DOT1L: variants seen among roughly 807,000 people sequenced by gnomAD.
The protein encoded by DOT1L is DOT1 like histone lysine methyltransferase.
Under a neutral mutation model 153.3 loss-of-function variants are expected in DOT1L, and 33 were observed. That is an observed-to-expected ratio of 0.22 (90% CI 0.16 to 0.29). The LOEUF is 0.29. Ranked by LOEUF, DOT1L falls within the 10% of genes least tolerant of loss-of-function variation. DOT1L has a pLI of 1.00. For missense variants in DOT1L, 1,847 were observed against 2,119.9 expected (o/e 0.87, Z 2.53); for synonymous variants, 1,135 against 965.1 (o/e 1.18, Z -3.26).
chr19:2,206,608 C>A, intron 9 of DOT1L, 121 bp from the exon 10 acceptor site: 1 of 878,744 alleles, frequency 1.1e-6, no homozygotes, highest in Non-Finnish European at 1.9e-6. Flanking sequence ...GGCAGGTGGA[C>A]AGGACCCGGA....
At chr19:2,215,965 T>TGG in intron 19 of DOT1L, 1 of 293,088 alleles carries the variant, frequency 3.4e-6, no homozygotes, top group Non-Finnish European at 6.3e-6. Context: ...CCTCCACAGG[T>TGG]TTTACACTTA....
Position 2,229,962 on chromosome 19 carries a change from C to A in DOT1L, c.*170C>A. On this transcript the variant is annotated 3_prime_UTR_variant, in exon 28 of 28. Transcript: ENST00000398665. ...CGCGCCGCAGGAGGCTGGGACTGGT[C>A]CAGTTTGTACTGTCGATAGTTTTAG... 4.0e-6 allele frequency: 4 copies of A among 994,844 alleles called. No homozygotes were observed. The South Asian group carries it at 4.3e-5, about 11-fold the overall frequency. The allele number at this position is 994,844 out of a possible 1,614,324, so 61.6% of individuals were successfully genotyped here.
chr19:2,227,687 G>A (rs894456213), intron 27 of DOT1L: 2 of 1,294,022 alleles, frequency 1.5e-6, no homozygotes, highest in Non-Finnish European at 2.0e-6. Context: ...CTCTGCGCTT[G>A]CCTGGATGCT....
In DOT1L at chr19:2,201,133, C is replaced by G. The variant is rs1281460531; in HGVS notation, c.707+1194C>G. 7.4e-4 allele frequency among the ~76,000 whole-genome samples: 94 copies of G among 126,200 alleles called. 2 individuals are homozygous for G. The highest frequency in any genetic ancestry group is 2.9e-3 in the African/African-American group (89 of 30,184). 82.8% of individuals were successfully genotyped at this position (126,200 alleles called of 152,430 possible). On this transcript the variant is annotated intron_variant, in intron 8 of 27. Transcript: ENST00000398665. ...CCTCGTCCTCCCCGCATTCCTCGTC[C>G]TCCCCGCATTCCTCGTCCTCCCCTC...
chr19:2,178,830 G>T (rs565427248), intron 1 of DOT1L, among the ~76,000 whole-genome samples: 2 of 152,190 alleles, frequency 1.3e-5, no homozygotes, highest in East Asian at 1.9e-4. Context: ...TTCCCAAAGC[G>T]CTGGGATTCC....
At chr19:2,181,745 GCCCAGCCCCCGCCCAGCACCAGC>G (rs1163396898) in intron 2 of DOT1L, among the ~76,000 whole-genome samples, 2 of 151,564 alleles carry the variant, frequency 1.3e-5, no homozygotes, top group Non-Finnish European at 2.9e-5. Flanking sequence ...CTGGACCCCA[GCCCAGCCCCCGCCCAGCACCAGC>G]CCCAGCCCCA....
intron 7 of DOT1L, among the ~76,000 whole-genome samples, chr19:2,196,415 C>T (rs999431608): frequency 5.9e-5 from 9 of 152,216 alleles, no homozygotes; most frequent in Non-Finnish European, 7.3e-5. Flanking sequence ...TCACTGTAGC[C>T]TCCGCCCCCT....
At chr19:2,168,534 A>C (rs2020011872) in intron 1 of DOT1L, among the ~76,000 whole-genome samples, 1 of 152,164 alleles carries the variant, frequency 6.6e-6, no homozygotes, top group African/African-American at 2.4e-5. Context: ...CCAATTGGCA[A>C]ACGCAAGGGG....
chr19:2,207,572 A>G lies in DOT1L; in HGVS notation c.857-2A>G. Reference sequence around the variant, plus strand: ...CCCCGGCCTCACCTGTGGCTCCTGCAGACATCGGCACCATCATGCGCGTGG... The same window carrying G: ...CCCCGGCCTCACCTGTGGCTCCTGCGGACATCGGCACCATCATGCGCGTGG... On this transcript the variant is annotated splice_acceptor_variant, in intron 10 of 27. Transcript: ENST00000398665. LOFTEE classifies it high-confidence loss of function. This position sits in a 1 kb window ranked among gnomAD's most constrained non-coding sequence, Gnocchi z 4.5. 1 of 1,608,500 alleles carries G rather than the reference A, an allele frequency of 6.2e-7. No homozygotes were observed. The highest frequency in any genetic ancestry group is 8.5e-7 in the Non-Finnish European group (1 of 1,179,046).
At chr19:2,227,835 C>A (rs1295856307) in intron 27 of DOT1L, 3 of 1,291,864 alleles carry the variant, frequency 2.3e-6, no homozygotes, top group Non-Finnish European at 3.0e-6. Flanking sequence ...GGGCCCGAGC[C>A]CGCTGCAGGC....
At position 2,226,530 on chromosome 19, in the gene DOT1L, C is replaced by T. The variant is rs764677541; in HGVS notation, c.4009C>T (p.Leu1337Phe). 26 of 1,600,682 alleles carry T rather than the reference C, an allele frequency of 1.6e-5. No homozygotes were observed. Among genetic ancestry groups the T allele is most frequent in the Non-Finnish European group, 2.0e-5 (24 of 1,179,654 alleles). Residue 1337 changes from leucine to phenylalanine, a missense_variant, in exon 27 of 28, where the codon CTT becomes TTT. Physicochemically the swap from Leu to Phe is conservative, Grantham distance 22. This residue lies in a region of DOT1L where 934 missense variants were observed against 825.3 expected (regional missense o/e 1.13). Coordinates refer to ENST00000398665, the MANE Select transcript of DOT1L (RefSeq NM_032482.3). Reference protein sequence around the residue: ...SLHSFSDGASLPHKGPEAAGL... With the variant: ...SLHSFSDGASFPHKGPEAAGL... ...ACACAGCTTCAGTGATGGTGCTTCT[C>T]TTCCCCACAAGGGCCCCGAGGCGGC...
chr19:2,227,587 C>A, intron 27 of DOT1L: 1 of 910,460 alleles, frequency 1.1e-6, no homozygotes, highest in Non-Finnish European at 1.4e-6. Flanking sequence ...CGGGCCACCA[C>A]GAGCCTGGCC....
chr19:2,176,561 C>T (rs1290343473), intron 1 of DOT1L, among the ~76,000 whole-genome samples: 4 of 152,226 alleles, frequency 2.6e-5, no homozygotes, highest in Admixed American at 2.6e-4. Flanking sequence ...GCCCTCACAC[C>T]TGTGAGTCAT....
chr19:2,218,574 T>C (rs2023993284), intron 22 of DOT1L, among the ~76,000 whole-genome samples: 1 of 150,252 alleles, frequency 6.7e-6, no homozygotes, highest in African/African-American at 2.4e-5. Context: ...TTTGTATTTT[T>C]AGTAGAGATG....
intron 2 of DOT1L, among the ~76,000 whole-genome samples, chr19:2,180,998 C>T (rs556111819): frequency 2.0e-5 from 3 of 152,188 alleles, no homozygotes; most frequent in Non-Finnish European, 4.4e-5. Context: ...GGGGCGTTGC[C>T]CTGCCTTCCT....
At chr19:2,200,159 C>T (rs190478371) in intron 8 of DOT1L, among the ~76,000 whole-genome samples, 1,584 of 152,270 alleles carry the variant, frequency 0.01, 12 homozygotes, top group Non-Finnish European at 0.014. Flanking sequence ...GCCCTGCAGA[C>T]CCTGCTGGCA....
At chr19:2,225,616 G>A (rs543639798) in intron 26 of DOT1L, among the ~76,000 whole-genome samples, 164 bp downstream of exon 26, 11 of 152,122 alleles carry the variant, frequency 7.2e-5, no homozygotes, top group African/African-American at 9.6e-5. Context: ...CGTGTCCTGC[G>A]TGGGCGCCGA....
intron 25 of DOT1L, among the ~76,000 whole-genome samples, chr19:2,224,926 G>C (rs541922057): frequency 5.6e-4 from 86 of 152,318 alleles, no homozygotes; most frequent in African/African-American, 1.7e-3. Context: ...GTGTGTTCTT[G>C]GGACATTGGA....
rs186656087 is a variant in DOT1L, at chr19:2,191,249, C to T, written c.493+9C>T. On this transcript the variant is annotated intron_variant, in intron 5 of 27. Transcript: ENST00000398665. The surrounding 1 kb of genome is among the most constrained non-coding windows in gnomAD (Gnocchi z 6.8). ...TGTGGACTTGGGGAGCGGTGAGTGT[C>T]GCCCGCCATGCCCGGCTCCTGTGCA... 2.5e-4 allele frequency: 408 copies of T among 1,612,582 alleles called. 1 individual carries two copies. In the African/African-American group the frequency reaches 3.6e-3, roughly 14 times the overall value.
Sources: gnomAD v4.1 joint callset for allele counts (sites outside exome capture counted in the v4.1 genomes callset) on GRCh38, gnomAD v4.1.1 for gene constraint, gnomAD v4.1.1 regional missense constraint, Gnocchi (gnomAD v3.1) non-coding constraint, MANE v1.5 for transcripts, NCBI Gene and HGNC (gene_info 2026-07-23, HGNC 2026-07-21) for gene names.